The following GALNT18 variants were observed in gnomAD, a reference collection of about 807,000 sequenced individuals.
GALNT18 encodes GalNAc-transferase 18.
A neutral mutation model predicts 69.5 loss-of-function variants in GALNT18; 44 were observed. The ratio of observed to expected loss-of-function variants is 0.63; its 90% CI spans 0.50 to 0.81. GALNT18 has a LOEUF of 0.81. Among genes scored for constraint, GALNT18 ranks in the 40% least tolerant of loss-of-function variants. GALNT18 has a pLI of 0.00. For synonymous variants in GALNT18, 364 were observed against 318.2 expected, an observed-to-expected ratio of 1.14 and a Z score of -1.53; for missense variants, 715 against 810.0, an observed-to-expected ratio of 0.88 and a Z score of 1.42.
intron 9 of GALNT18, among the ~76,000 whole-genome samples, chr11:11,322,328 A>G (rs1224065230): frequency 6.6e-6 from 1 of 152,252 alleles, no homozygotes; most frequent in Non-Finnish European, 1.5e-5. Context: ...CCCATATTGT[A>G]TCATCTGCAG....
At chr11:11,472,978 T>G (rs1856306449) in intron 1 of GALNT18, among the ~76,000 whole-genome samples, 1 of 151,654 alleles carries the variant, frequency 6.6e-6, no homozygotes, top group Non-Finnish European at 1.5e-5. Flanking sequence ...GATGAAAGAG[T>G]GAGACCCTGT....
intron 1 of GALNT18, among the ~76,000 whole-genome samples, chr11:11,547,401 A>G (rs1321077287): frequency 6.6e-6 from 1 of 152,226 alleles, no homozygotes; most frequent in Non-Finnish European, 1.5e-5. Flanking sequence ...AGCCAGCTAC[A>G]GATAATAAGG....
chr11:11,577,093 C>T (rs979208655), intron 1 of GALNT18, among the ~76,000 whole-genome samples: 1 of 152,220 alleles, frequency 6.6e-6, no homozygotes, highest in South Asian at 2.1e-4. Context: ...AGCTCAGTTT[C>T]CTCATCTGTG....
At chr11:11,376,077 G>A (rs982717267) in intron 5 of GALNT18, among the ~76,000 whole-genome samples, 17 of 152,100 alleles carry the variant, frequency 1.1e-4, no homozygotes, top group African/African-American at 2.2e-4. Context: ...GACACCCACC[G>A]TATCATCAAT....
intron 1 of GALNT18, among the ~76,000 whole-genome samples, chr11:11,530,799 T>C (rs1401227385): frequency 6.6e-6 from 1 of 152,186 alleles, no homozygotes; most frequent in East Asian, 1.9e-4. Context: ...AAACGTACTG[T>C]CCACTGGGTG....
intron 1 of GALNT18, among the ~76,000 whole-genome samples, chr11:11,548,352 G>T (rs1590089290): frequency 6.6e-6 from 1 of 152,172 alleles, no homozygotes; most frequent in Non-Finnish European, 1.5e-5. Flanking sequence ...AAAGAGAGAG[G>T]CAGCCTCTGT....
At chr11:11,376,779 C>T (rs1853773253) in intron 5 of GALNT18, among the ~76,000 whole-genome samples, 1 of 152,126 alleles carries the variant, frequency 6.6e-6, no homozygotes, top group Non-Finnish European at 1.5e-5. Context: ...GAAAATGCTG[C>T]CCTCTGAAAA....
At chr11:11,276,334 T>G (rs559994656) in intron 10 of GALNT18, among the ~76,000 whole-genome samples, 3 of 152,078 alleles carry the variant, frequency 2.0e-5, no homozygotes, top group African/African-American at 4.8e-5. Context: ...CTGTTTGTCT[T>G]TTATTGGTGT....
chr11:11,467,615 CACAG>C (rs1352953092), intron 1 of GALNT18, among the ~76,000 whole-genome samples: 2 of 152,190 alleles, frequency 1.3e-5, no homozygotes, highest in African/African-American at 4.8e-5. Flanking sequence ...ACATTCAGGG[CACAG>C]ACAGGCACCA....
At chr11:11,329,480 C>A (rs956288381) in intron 8 of GALNT18, among the ~76,000 whole-genome samples, 1 of 152,230 alleles carries the variant, frequency 6.6e-6, no homozygotes, top group Non-Finnish European at 1.5e-5. Context: ...TTCCCCATAT[C>A]GCCCTTGGTC....
At chr11:11,350,280 G>A (rs978172322) in intron 6 of GALNT18, among the ~76,000 whole-genome samples, 1 of 152,306 alleles carries the variant, frequency 6.6e-6, no homozygotes, top group South Asian at 2.1e-4. Flanking sequence ...GCTTTTCCTT[G>A]GACCCAGTGC....
chr11:11,291,822 T>C (rs984157659), intron 10 of GALNT18, among the ~76,000 whole-genome samples: 3 of 152,158 alleles, frequency 2.0e-5, no homozygotes, highest in African/African-American at 7.2e-5. Flanking sequence ...AGTATTGACA[T>C]TCACTGTTTA....
At position 11,271,173 on chromosome 11, in the gene GALNT18, T is replaced by G; in HGVS notation, c.1795A>C (p.Thr599Pro). 1 of 1,613,766 alleles carries G rather than the reference T, an allele frequency of 6.2e-7. No individual in the cohort carries two copies. Among genetic ancestry groups the G allele is most frequent in the Middle Eastern group, 1.7e-4 (1 of 6,052 alleles). Residue 599 changes from threonine (T) to proline (P), a missense_variant, in exon 11 of 11, where the codon ACC becomes CCC. By Grantham distance (38) the Thr-to-Pro change is conservative. Coordinates refer to ENST00000227756, the MANE Select transcript of GALNT18 (RefSeq NM_198516.3). ...QKCSGQHWSI[T>P]NVLRSLAS ...GACGCGAGGCTCCTCAGGACGTTGG[T>G]GATGCTCCAGTGCTGGCCCGAGCAC...
intron 6 of GALNT18, chr11:11,352,386 A>G (rs903111091): frequency 1.9e-6 from 3 of 1,614,020 alleles, no homozygotes; most frequent in African/African-American, 2.7e-5. Flanking sequence ...AAACTTGGCT[A>G]TCCTCACCAA....
At chr11:11,400,016 A>G (rs1157433498) in intron 3 of GALNT18, among the ~76,000 whole-genome samples, 1 of 152,222 alleles carries the variant, frequency 6.6e-6, no homozygotes, top group African/African-American at 2.4e-5. Context: ...GGCTGGATTT[A>G]GTTGCCTGCT....
chr11:11,346,623 C>T (rs7108664), intron 6 of GALNT18, among the ~76,000 whole-genome samples: 145,153 of 152,296 alleles, frequency 0.95, 69,540 homozygotes, highest in East Asian at 1. Flanking sequence ...CATGAACTCA[C>T]TGGAGAGAAA....
At chr11:11,581,657 C>A (rs1274816358) in intron 1 of GALNT18, among the ~76,000 whole-genome samples, 1 of 152,048 alleles carries the variant, frequency 6.6e-6, no homozygotes, top group African/African-American at 2.4e-5. Context: ...GCCGAGTGGG[C>A]ACTTTATCCC....
chr11:11,466,432 A>G (rs1856157020), intron 1 of GALNT18, among the ~76,000 whole-genome samples: 1 of 152,252 alleles, frequency 6.6e-6, no homozygotes, highest in Non-Finnish European at 1.5e-5. Flanking sequence ...CTTTCCCAAG[A>G]TTTTGATACG....
At chr11:11,447,045 A>G (rs986007921) in intron 2 of GALNT18, among the ~76,000 whole-genome samples, 1 of 152,044 alleles carries the variant, frequency 6.6e-6, no homozygotes, top group Non-Finnish European at 1.5e-5. Context: ...CCACGGCCCT[A>G]ATGATCTGCT....
Sources: gnomAD v4.1 joint callset for allele counts (sites outside exome capture counted in the v4.1 genomes callset) on GRCh38, gnomAD v4.1.1 for gene constraint, MANE v1.5 for transcripts, NCBI Gene and HGNC (gene_info 2026-07-23, HGNC 2026-07-21) for gene names.